Variants in TTC39A observed in about 807,000 individuals in gnomAD.
TTC39A encodes the protein tetratricopeptide repeat domain 39A, also known as tetratricopeptide repeat protein 39A.
In TTC39A, 46 loss-of-function variants were observed where a neutral mutation model predicts 82.3. The ratio of observed to expected loss-of-function variants is 0.56; its 90% CI spans 0.44 to 0.71. The LOEUF (loss-of-function observed/expected upper bound fraction) is 0.71. TTC39A is among the 30% of genes least tolerant of loss of function. The pLI is 0.00. For missense variants in TTC39A, 543 were observed against 712.9 expected (o/e 0.76, Z 2.71); for synonymous variants, 254 against 275.2 (o/e 0.92, Z 0.76).
chr1:51,297,398 T>C (rs1644477913), intron 12 of TTC39A: 1 of 152,272 alleles, frequency 6.6e-6, no homozygotes, highest in South Asian at 2.1e-4. Context: ...TTGTATATTT[T>C]AGTAGAGACG....
chr1:51,311,139 G>T, intron 5 of TTC39A, 115 bp downstream of exon 5: 1 of 958,960 alleles, frequency 1.0e-6, no homozygotes, highest in South Asian at 1.7e-5. Context: ...TACAGGGGAT[G>T]AGTCGTGGTT....
intron 14 of TTC39A, among the ~76,000 whole-genome samples, chr1:51,291,628 CAAAAAAAAAAAAA>C (rs58825279): frequency 5.8e-4 from 29 of 49,952 alleles, no homozygotes; most frequent in African/African-American, 2.0e-3. Context: ...CCATCTCCAC[CAAAAAAAAAAAAA>C]AAAAAAAAAA....
At chr1:51,302,255 C>CCCCCCCCCCCCCCCT in intron 11 of TTC39A, 102 bp downstream of exon 11, 1 of 604,136 alleles carries the variant, frequency 1.7e-6, no homozygotes, top group Non-Finnish European at 3.1e-6. Flanking sequence ...CCCCCCGCCC[C>CCCCCCCCCCCCCCCT]CAGTCTATCC....
intron 1 of TTC39A, among the ~76,000 whole-genome samples, chr1:51,328,003 T>C (rs889707600): frequency 2.6e-4 from 39 of 152,104 alleles, no homozygotes; most frequent in Admixed American, 7.2e-4. Flanking sequence ...GGCTTTACCA[T>C]CATTTCTTGA....
In TTC39A at chr1:51,321,076, G is replaced by T. The variant is rs1645500014; in HGVS notation, c.146+645C>A. On this transcript the variant is annotated intron_variant, in intron 2 of 17. Transcript: ENST00000680483. This position sits in a 1 kb window ranked among gnomAD's most constrained non-coding sequence, Gnocchi z 4.6. ...TTTGGTAGAGATGGGGTTTCACCATGTTGGCCAGGCTGGTCTTGAACTTCT... is the reference window on the plus strand; with the variant it reads ...TTTGGTAGAGATGGGGTTTCACCATTTTGGCCAGGCTGGTCTTGAACTTCT... Among the ~76,000 whole-genome samples the T allele has an allele frequency of 6.6e-6, 1 of 151,348 alleles. No individual in the cohort carries two copies. Among genetic ancestry groups the T allele is most frequent in the South Asian group, 2.1e-4 (1 of 4,778 alleles).
At chr1:51,309,021 G>A (rs1207112917) in intron 6 of TTC39A, among the ~76,000 whole-genome samples, 1 of 152,166 alleles carries the variant, frequency 6.6e-6, no homozygotes, top group Non-Finnish European at 1.5e-5. Context: ...CCCCAGCAGG[G>A]GCCAGGCACG....
At chr1:51,309,729 C>G (rs1370010173) in intron 5 of TTC39A, among the ~76,000 whole-genome samples, 4 of 152,188 alleles carry the variant, frequency 2.6e-5, no homozygotes, top group African/African-American at 9.6e-5. Context: ...GCTCTATTCA[C>G]TGTGTACACC....
At chr1:51,333,502 C>G (rs1430719174), upstream of TTC39A, among the ~76,000 whole-genome samples, 1 of 152,230 alleles carries the variant, frequency 6.6e-6, no homozygotes, top group East Asian at 1.9e-4. Flanking sequence ...TGTATTAGCT[C>G]CAGAGTAAAC....
In TTC39A at chr1:51,288,848, T is replaced by G; in HGVS notation, c.1601A>C (p.Glu534Ala). ...GTTACCCAAGCCTTACTTGGCAGATTCCAAAAGTTTGATGGCCTCTTCGTT... is the reference window on the plus strand; with the variant it reads ...GTTACCCAAGCCTTACTTGGCAGATGCCAAAAGTTTGATGGCCTCTTCGTT... ...DRNEEAIKLLESAKQNYKNYS... is the reference protein window; with the variant it reads ...DRNEEAIKLLASAKQNYKNYS... Residue 534 changes from glutamate to alanine, a missense_variant, in exon 17 of 18, where the codon GAA (glutamate) becomes GCA (alanine). Coordinates refer to ENST00000680483, the MANE Select transcript of TTC39A (RefSeq NM_001297663.2). The surrounding 1 kb of genome is among the most constrained non-coding windows in gnomAD (Gnocchi z 4.8). 2 of 1,606,100 alleles carry G rather than the reference T, an allele frequency of 1.2e-6. No homozygotes were observed. The highest frequency in any genetic ancestry group is 1.7e-6 in the Non-Finnish European group (2 of 1,176,232).
At chr1:51,309,198 G>T in intron 6 of TTC39A, 63 bp downstream of exon 6, 1 of 1,525,420 alleles carries the variant, frequency 6.6e-7, no homozygotes, top group Non-Finnish European at 8.8e-7. Flanking sequence ...CGCCTGAGGG[G>T]GACAGCCTAG....
At position 51,321,873 on chromosome 1, in the gene TTC39A, A is replaced by G. The variant is rs1462860893; in HGVS notation, c.42-48T>C. On this transcript the variant is annotated intron_variant, in intron 1 of 17. Coordinates refer to ENST00000680483, the MANE Select transcript of TTC39A (RefSeq NM_001297663.2). This position sits in a 1 kb window ranked among gnomAD's most constrained non-coding sequence, Gnocchi z 4.6. ...TGACACAGGGGCCCTCCAACCCTCC[A>G]GCCTCTCCTGGCTGGAACAGAGCCT... The G allele has an allele frequency of 6.4e-7, 1 of 1,553,094 alleles. No homozygotes were observed. The highest frequency in any genetic ancestry group is 8.8e-7 in the Non-Finnish European group (1 of 1,137,108).
At chr1:51,320,396 CTTTTTTTCTTTTTCTTTTTCT>C (rs1645454998) in intron 2 of TTC39A, among the ~76,000 whole-genome samples, 1 of 141,696 alleles carries the variant, frequency 7.1e-6, no homozygotes, top group African/African-American at 2.6e-5. Context: ...CTTTTCTTTT[CTTTTTTTCTTTTTCTTTTTCT>C]TTTTTTTTTT....
intron 6 of TTC39A, among the ~76,000 whole-genome samples, chr1:51,306,861 C>T (rs888016624): frequency 2.7e-5 from 3 of 110,002 alleles, no homozygotes; most frequent in East Asian, 6.9e-4. Flanking sequence ...AGACCCCCCC[C>T]CCCCGCCCCC....
At chr1:51,301,484 T>A in intron 12 of TTC39A, 88 bp downstream of exon 12, 1 of 1,455,040 alleles carries the variant, frequency 6.9e-7, no homozygotes. Context: ...CTGAGACATC[T>A]GTGTTCAGTT....
At chr1:51,324,168 C>CT (rs1386394373) in intron 1 of TTC39A, among the ~76,000 whole-genome samples, 2 of 152,232 alleles carry the variant, frequency 1.3e-5, no homozygotes, top group African/African-American at 4.8e-5. Context: ...TTTAGGGAGT[C>CT]TTTTTTTCCC....
rs750664263 is a variant in TTC39A, at chr1:51,321,679, C to T, written c.146+42G>A. ...TACAAGACCTCTGGTTCTCCCTGAC[C>T]GTCATGCACACCCCCTACCCCAACC... On this transcript the variant is annotated intron_variant, in intron 2 of 17. Coordinates refer to ENST00000680483, the MANE Select transcript of TTC39A (RefSeq NM_001297663.2). The surrounding 1 kb of genome is among the most constrained non-coding windows in gnomAD (Gnocchi z 4.6). The T allele has an allele frequency of 6.3e-7, 1 of 1,582,898 alleles. No individual in the cohort carries two copies. The highest frequency in any genetic ancestry group is 1.7e-5 in the Admixed American group (1 of 58,136).
chr1:51,297,217 CT>C (rs560853133), intron 12 of TTC39A: 1,504 of 145,234 alleles, frequency 0.01, 27 homozygotes, highest in African/African-American at 0.029. Context: ...CCGGTCCCAT[CT>C]TTTTTTTTTT....
rs1403239472 is a variant in TTC39A, at chr1:51,327,706, T to TC, written c.41+2730_41+2731insG. On this transcript the variant is annotated intron_variant, in intron 1 of 17. Transcript: ENST00000680483. ...CTAAAATTATGTATTGCCATTTTTT[T>TC]TTTTTTTTTTGAGAGAGGCTCTCTC... 2.6e-5 allele frequency among the ~76,000 whole-genome samples: 4 copies of TC among 151,822 alleles called. No individual in the cohort carries two copies. In the East Asian group the frequency reaches 7.7e-4, roughly 29 times the overall value.
intron 14 of TTC39A, among the ~76,000 whole-genome samples, chr1:51,291,322 C>T (rs1644206396): frequency 6.6e-6 from 1 of 151,904 alleles, no homozygotes; most frequent in Non-Finnish European, 1.5e-5. Flanking sequence ...GAAACCCCAT[C>T]TCTACTAAAA....
Sources: allele counts gnomAD v4.1 joint callset (sites outside exome capture counted in the v4.1 genomes callset), GRCh38; gene constraint gnomAD v4.1.1; non-coding constraint Gnocchi (gnomAD v3.1); transcripts MANE v1.5; gene names NCBI Gene and HGNC (gene_info 2026-07-23, HGNC 2026-07-21).